Variants in ZNF236 observed in about 807,000 individuals in gnomAD.
ZNF236 encodes the protein zinc finger protein 236.
ZNF236 carries 50 observed loss-of-function variants against 191.2 expected under a neutral mutation model. The observed-to-expected ratio is 0.26, with a 90% confidence interval of 0.21 to 0.33. The LOEUF is 0.33. ZNF236 is among the 10% of genes least tolerant of loss of function. The probability of loss-of-function intolerance (pLI) is 1.00; values close to 1 mark genes in which losing one functional copy is unlikely to be tolerated. For missense variants in ZNF236, 1,754 were observed against 2,374.5 expected (o/e 0.74, Z 5.43); for synonymous variants, 907 against 928.8 (o/e 0.98, Z 0.43).
At chr18:76,930,998 T>G (rs1397803266) in intron 25 of ZNF236, 2 of 152,348 alleles carry the variant, frequency 1.3e-5, no homozygotes, top group East Asian at 3.9e-4. Flanking sequence ...GAATTATATG[T>G]TTAACACACT....
chr18:76,866,629 G>A (rs1308886517), intron 3 of ZNF236, among the ~76,000 whole-genome samples: 2 of 152,174 alleles, frequency 1.3e-5, no homozygotes, highest in Non-Finnish European at 2.9e-5. Flanking sequence ...CATTTCTCTT[G>A]ATGATTTCCC....
chr18:76,898,709 G>A (rs1462113544), intron 10 of ZNF236, among the ~76,000 whole-genome samples: 5 of 152,218 alleles, frequency 3.3e-5, no homozygotes, highest in African/African-American at 1.2e-4. Flanking sequence ...TGACTTAAGA[G>A]AGAGAGCATC....
At chr18:76,830,658 A>T (rs1975146255) in intron 1 of ZNF236, among the ~76,000 whole-genome samples, 1 of 152,224 alleles carries the variant, frequency 6.6e-6, no homozygotes, top group Non-Finnish European at 1.5e-5. Flanking sequence ...TCTCAAAAAA[A>T]GTCTCATAAT....
intron 30 of ZNF236, among the ~76,000 whole-genome samples, chr18:76,965,757 A>G (rs1968756731): frequency 6.6e-6 from 1 of 152,254 alleles, no homozygotes; most frequent in African/African-American, 2.4e-5. Context: ...TCTCTCAGCC[A>G]TGGGTACCGG....
chr18:76,849,222 A>G (rs1975787444), intron 1 of ZNF236: 1 of 253,216 alleles, frequency 3.9e-6, no homozygotes, highest in Non-Finnish European at 7.5e-6. Context: ...AAGCATCATT[A>G]TGGCTTTTGT....
chr18:76,904,331 A>C, intron 11 of ZNF236, 49 bp from the exon 12 acceptor site: 1 of 1,530,946 alleles, frequency 6.5e-7, no homozygotes, highest in Non-Finnish European at 8.8e-7. Context: ...ATTTAATTGT[A>C]TTACTAGCAT....
chr18:76,849,718 GTAT>G lies in ZNF236; in HGVS notation c.198+52_198+54del, dbSNP rs772958310. On this transcript the variant is annotated intron_variant, in intron 2 of 30. Transcript: ENST00000320610. ...AGGAATGTGAGCGTTGAAACTGGAG[GTAT>G]TGTAAAAATGAACAAGTAAAATCAA... is the stretch of plus-strand genomic sequence containing the variant. 19 of 1,415,678 alleles carry G rather than the reference GTAT, an allele frequency of 1.3e-5. No homozygotes were observed. The East Asian group carries it at 5.0e-4, about 37-fold the overall frequency. 87.7% of individuals were successfully genotyped at this position (1,415,678 alleles called of 1,614,324 possible).
intron 6 of ZNF236, among the ~76,000 whole-genome samples, chr18:76,876,039 G>A (rs1300316877): frequency 6.6e-6 from 1 of 152,208 alleles, no homozygotes. Flanking sequence ...GGAAAAAAAA[G>A]TGTTTTTCTT....
intron 1 of ZNF236, among the ~76,000 whole-genome samples, chr18:76,823,981 G>A (rs1043538047): frequency 1.3e-5 from 2 of 152,194 alleles, no homozygotes; most frequent in Non-Finnish European, 2.9e-5. Flanking sequence ...GGTTCTAAGG[G>A]GGAGTGGGCG....
At chr18:76,898,953 G>C in intron 10 of ZNF236, 66 bp from the exon 11 acceptor site, 1 of 1,335,008 alleles carries the variant, frequency 7.5e-7, no homozygotes, top group Non-Finnish European at 1.1e-6. Context: ...AACATTTTAT[G>C]TTAGCATTTG....
chr18:76,916,279 C>T (rs1447662980), intron 19 of ZNF236, among the ~76,000 whole-genome samples: 1 of 152,172 alleles, frequency 6.6e-6, no homozygotes, highest in Admixed American at 6.5e-5. Context: ...GTTCAGATGA[C>T]TCCGTGGAAT....
chr18:76,909,271 C>T (rs948866203), intron 14 of ZNF236, among the ~76,000 whole-genome samples: 6 of 145,706 alleles, frequency 4.1e-5, no homozygotes, highest in Non-Finnish European at 6.0e-5. Context: ...GCCGAGATGG[C>T]GCCATTGCAC....
intron 18 of ZNF236, 35 bp downstream of exon 18, chr18:76,913,933 T>A: frequency 6.2e-7 from 1 of 1,608,424 alleles, no homozygotes; most frequent in East Asian, 2.2e-5. Flanking sequence ...GATTAGTCCT[T>A]TAAAGAAAAA....
chr18:76,937,506 A>G (rs1204934271), intron 26 of ZNF236, among the ~76,000 whole-genome samples, 163 bp downstream of exon 26: 1 of 152,192 alleles, frequency 6.6e-6, no homozygotes, highest in East Asian at 1.9e-4. Context: ...AAAAGGGGAT[A>G]AAAATTCAGA....
intron 10 of ZNF236, among the ~76,000 whole-genome samples, chr18:76,897,732 T>C (rs1239239607): frequency 6.6e-6 from 1 of 151,040 alleles, no homozygotes; most frequent in Non-Finnish European, 1.5e-5. Flanking sequence ...GTACCACACA[T>C]GGTACCAAAC....
At chr18:76,871,018 G>A (rs750916662) in intron 4 of ZNF236, among the ~76,000 whole-genome samples, 3 of 152,166 alleles carry the variant, frequency 2.0e-5, no homozygotes, top group Non-Finnish European at 2.9e-5. Context: ...AGCCGAACCC[G>A]TTCTGAGGCC....
intron 2 of ZNF236, 114 bp downstream of exon 2, chr18:76,849,782 T>C: frequency 1.0e-6 from 1 of 961,726 alleles, no homozygotes; most frequent in East Asian, 3.1e-5. Context: ...GTAGAACATT[T>C]TATATTCTAC....
intron 9 of ZNF236, chr18:76,885,586 G>C (rs1460957069): frequency 5.5e-6 from 1 of 181,880 alleles, no homozygotes; most frequent in East Asian, 1.5e-4. Flanking sequence ...CTCAGCAGCA[G>C]ACTGGTTGTT....
chr18:76,890,908 C>T (rs1977209717), intron 9 of ZNF236, among the ~76,000 whole-genome samples: 1 of 152,022 alleles, frequency 6.6e-6, no homozygotes, highest in Non-Finnish European at 1.5e-5. Flanking sequence ...CTTCCTCAGC[C>T]TACTCAACAT....
Sources: allele counts gnomAD v4.1 joint callset (sites outside exome capture counted in the v4.1 genomes callset), GRCh38; gene constraint gnomAD v4.1.1; transcripts MANE v1.5; gene names NCBI Gene and HGNC (gene_info 2026-07-23, HGNC 2026-07-21).